The following ITFG1 variants were observed in gnomAD, a reference collection of about 807,000 sequenced individuals.
The protein encoded by ITFG1 is integrin alpha FG-GAP repeat containing 1, also known as T-cell immunomodulatory protein.
A neutral mutation model predicts 81.8 loss-of-function variants in ITFG1; 34 were observed. That is an observed-to-expected ratio of 0.42 (90% CI 0.32 to 0.55). The LOEUF (loss-of-function observed/expected upper bound fraction) is 0.55. ITFG1 is among the 20% of genes least tolerant of loss of function. The probability of loss-of-function intolerance (pLI) is 0.17; values close to 1 mark genes in which losing one functional copy is unlikely to be tolerated. For missense variants in ITFG1, 672 were observed against 755.4 expected (o/e 0.89, Z 1.29); for synonymous variants, 285 against 270.6 (o/e 1.05, Z -0.52).
chr16:47,224,042 A>G lies in ITFG1; in HGVS notation c.1375-5096T>C, dbSNP rs1056454827. ...AGAACACATGGACACAGGAAGGGGA[A>G]CATCACACTCTGGGGACTGTTGTGG... On this transcript the variant is annotated intron_variant, in intron 13 of 17. Coordinates refer to ENST00000320640, the MANE Select transcript of ITFG1 (RefSeq NM_030790.5). Among the ~76,000 whole-genome samples the G allele has an allele frequency of 4.1e-5, 5 of 121,924 alleles. No individual in the cohort carries two copies. In the Admixed American group the frequency reaches 4.1e-4, roughly 10 times the overall value. The allele number at this position is 121,924 out of a possible 152,430, so 80.0% of individuals were successfully genotyped here. A position where few individuals can be genotyped will look rare whatever the true frequency, so the allele number is the denominator to read the frequency against.
intron 10 of ITFG1, chr16:47,263,530 T>C (rs747596565): frequency 1.1e-4 from 32 of 287,628 alleles, no homozygotes; most frequent in Non-Finnish European, 1.9e-4. Flanking sequence ...TGTTTGCATT[T>C]CTTGGGTGAC....
intron 5 of ITFG1, among the ~76,000 whole-genome samples, chr16:47,444,894 T>G (rs1256637998): frequency 6.6e-6 from 1 of 152,138 alleles, no homozygotes; most frequent in East Asian, 1.9e-4. Context: ...AAATTGGTTT[T>G]TCTTACAGAT....
intron 6 of ITFG1, among the ~76,000 whole-genome samples, chr16:47,397,247 G>A (rs1298511125): frequency 6.6e-6 from 1 of 152,144 alleles, no homozygotes; most frequent in Non-Finnish European, 1.5e-5. Flanking sequence ...AAGCAAGAAT[G>A]CAGATGAGAG....
intron 14 of ITFG1, among the ~76,000 whole-genome samples, chr16:47,184,278 C>A (rs1052979832): frequency 6.6e-6 from 1 of 152,000 alleles, no homozygotes; most frequent in African/African-American, 2.4e-5. Context: ...ATACAGAGAA[C>A]GCCACAAAGA....
intron 13 of ITFG1, among the ~76,000 whole-genome samples, chr16:47,234,773 T>C (rs1297949112): frequency 6.6e-6 from 1 of 152,212 alleles, no homozygotes; most frequent in Non-Finnish European, 1.5e-5. Context: ...GGTTTGGCTG[T>C]GTCCACACCC....
At chr16:47,397,051 GT>G (rs1246285313) in intron 6 of ITFG1, among the ~76,000 whole-genome samples, 2 of 152,218 alleles carry the variant, frequency 1.3e-5, no homozygotes, top group African/African-American at 4.8e-5. Context: ...GACGTTTGGT[GT>G]AACGGGGTGG....
chr16:47,366,450 T>C (rs930384088), intron 7 of ITFG1, among the ~76,000 whole-genome samples: 2 of 152,230 alleles, frequency 1.3e-5, no homozygotes, highest in African/African-American at 2.4e-5. Flanking sequence ...AGCAGCCATG[T>C]GCTGACTGAG....
intron 14 of ITFG1, among the ~76,000 whole-genome samples, chr16:47,205,503 C>T (rs879268249): frequency 1.3e-5 from 2 of 152,196 alleles, no homozygotes; most frequent in Non-Finnish European, 2.9e-5. Flanking sequence ...AAAAACTCCT[C>T]ATTTCCTGCA....
At chr16:47,431,808 A>G (rs1327038636) in intron 5 of ITFG1, among the ~76,000 whole-genome samples, 1 of 152,212 alleles carries the variant, frequency 6.6e-6, no homozygotes, top group African/African-American at 2.4e-5. Context: ...CAACCACAGT[A>G]TAAATATCAA....
intron 6 of ITFG1, among the ~76,000 whole-genome samples, chr16:47,419,020 T>C (rs1342068410): frequency 1.3e-5 from 2 of 152,236 alleles, no homozygotes; most frequent in East Asian, 3.8e-4. Flanking sequence ...TTATGGTCCA[T>C]GAGCATGAGA....
chr16:47,326,486 G>T (rs1385883371), intron 8 of ITFG1, among the ~76,000 whole-genome samples: 2 of 152,140 alleles, frequency 1.3e-5, no homozygotes, highest in Admixed American at 1.3e-4. Context: ...CAATTAGGCA[G>T]GAGAAGGAAA....
At chr16:47,335,726 T>A (rs973615106) in intron 8 of ITFG1, among the ~76,000 whole-genome samples, 1 of 152,140 alleles carries the variant, frequency 6.6e-6, no homozygotes, top group African/African-American at 2.4e-5. Context: ...AGAATGACAA[T>A]ACTAACTGTT....
chr16:47,197,898 A>T (rs973877138), intron 14 of ITFG1, among the ~76,000 whole-genome samples: 2 of 152,190 alleles, frequency 1.3e-5, no homozygotes, highest in African/African-American at 4.8e-5. Context: ...ATGACAAAAT[A>T]ATTTTCTCTG....
chr16:47,320,403 C>T (rs1020844746), intron 8 of ITFG1, among the ~76,000 whole-genome samples: 4 of 152,118 alleles, frequency 2.6e-5, no homozygotes, highest in Non-Finnish European at 5.9e-5. Flanking sequence ...CCACCCACAC[C>T]CTGTTTTGTT....
At chr16:47,254,579 G>A (rs1021887548) in intron 12 of ITFG1, among the ~76,000 whole-genome samples, 2 of 152,158 alleles carry the variant, frequency 1.3e-5, no homozygotes, top group African/African-American at 4.8e-5. Flanking sequence ...AGTATAGACA[G>A]TTCAATCACA....
chr16:47,333,520 T>C (rs1967663390), intron 8 of ITFG1, among the ~76,000 whole-genome samples: 1 of 152,218 alleles, frequency 6.6e-6, no homozygotes, highest in African/African-American at 2.4e-5. Context: ...TTTGAGTTGA[T>C]TAGTTTAGAA....
At chr16:47,302,317 T>C (rs570953868) in intron 10 of ITFG1, among the ~76,000 whole-genome samples, 3 of 152,190 alleles carry the variant, frequency 2.0e-5, no homozygotes, top group Admixed American at 1.3e-4. Flanking sequence ...TGCTCCCAAA[T>C]ACTTCAGTTA....
At chr16:47,416,068 T>C (rs1968870450) in intron 6 of ITFG1, among the ~76,000 whole-genome samples, 1 of 152,130 alleles carries the variant, frequency 6.6e-6, no homozygotes, top group Non-Finnish European at 1.5e-5. Context: ...CACTCCAGCC[T>C]GGGCAACAAG....
chr16:47,422,043 G>A (rs1968957067), intron 6 of ITFG1, among the ~76,000 whole-genome samples: 1 of 152,334 alleles, frequency 6.6e-6, no homozygotes, highest in African/African-American at 2.4e-5. Context: ...ATTCCATGGT[G>A]TATATATGCC....
Sources: gnomAD v4.1 joint callset for allele counts (sites outside exome capture counted in the v4.1 genomes callset) on GRCh38, gnomAD v4.1.1 for gene constraint, MANE v1.5 for transcripts, NCBI Gene and HGNC (gene_info 2026-07-23, HGNC 2026-07-21) for gene names.